CBLN2: variants seen among roughly 807,000 people sequenced by gnomAD.
CBLN2 encodes the protein cerebellin 2 precursor, also known as cerebellin-2.
A neutral mutation model predicts 15.0 loss-of-function variants in CBLN2; 7 were observed. The observed-to-expected ratio is 0.47, with a 90% CI of 0.27 to 0.88. CBLN2 has a LOEUF of 0.88. Ranked by LOEUF, CBLN2 falls within the 40% of genes least tolerant of loss-of-function variation. The pLI is 0.14. For synonymous variants in CBLN2, 149 were observed against 135.2 expected (o/e 1.10, Z -0.71); for missense variants, 242 against 304.5 (o/e 0.79, Z 1.53).
intron 1 of CBLN2, among the ~76,000 whole-genome samples, chr18:72,622,247 T>G: frequency 6.6e-6 from 1 of 152,154 alleles, no homozygotes; most frequent in East Asian, 1.9e-4. Flanking sequence ...ATAATATAGT[T>G]ATTTGCATGT....
At chr18:72,561,838 T>C (rs1159644306) in intron 1 of CBLN2, among the ~76,000 whole-genome samples, 1 of 152,208 alleles carries the variant, frequency 6.6e-6, no homozygotes, top group East Asian at 1.9e-4. Flanking sequence ...TACGTAAACA[T>C]TAATCTCAGA....
At chr18:72,555,245 G>A (rs145882376) in intron 1 of CBLN2, among the ~76,000 whole-genome samples, 2,203 of 152,280 alleles carry the variant, frequency 0.014, 34 homozygotes, top group Non-Finnish European at 0.02. Context: ...CTCTAAAGGT[G>A]CCCTCGGCTG....
Position 72,538,121 on chromosome 18 carries a change from G to C in CBLN2, c.*55C>G. On this transcript the variant is annotated 3_prime_UTR_variant, in exon 5 of 5. Transcript: ENST00000269503. ...TCCAGTAAGTTCAGGGTGTTTTAAA[G>C]GGCGGAGTCCTGGGTCCAGTTTGCC... The C allele has an allele frequency of 6.3e-7, 1 of 1,576,206 alleles. No homozygotes were observed. Among genetic ancestry groups the C allele is most frequent in the Non-Finnish European group, 8.7e-7 (1 of 1,146,276 alleles).
intron 1 of CBLN2, among the ~76,000 whole-genome samples, chr18:72,596,188 T>A (rs1253645405): frequency 6.6e-6 from 1 of 152,118 alleles, no homozygotes; most frequent in Non-Finnish European, 1.5e-5. Flanking sequence ...TGTTGTATAT[T>A]TTTTGATTTG....
chr18:72,566,981 G>T (rs1330854740), intron 1 of CBLN2, among the ~76,000 whole-genome samples: 2 of 151,946 alleles, frequency 1.3e-5, no homozygotes, highest in Non-Finnish European at 2.9e-5. Flanking sequence ...TTGCCACCCT[G>T]CCCCGCTAAT....
intron 1 of CBLN2, among the ~76,000 whole-genome samples, chr18:72,612,858 G>A (rs1405571617): frequency 6.6e-6 from 1 of 152,168 alleles, no homozygotes; most frequent in African/African-American, 2.4e-5. Context: ...GTAACAAAGT[G>A]TCATAAACTG....
At chr18:72,636,053 T>C (rs775634588) in intron 1 of CBLN2, among the ~76,000 whole-genome samples, 1 of 152,184 alleles carries the variant, frequency 6.6e-6, no homozygotes, top group Non-Finnish European at 1.5e-5. Context: ...ATCACCCTTT[T>C]CTTCATTTTA....
At chr18:72,538,491 G>C (rs2069084928) in intron 4 of CBLN2, 118 bp from the exon 5 acceptor site, 1 of 1,428,434 alleles carries the variant, frequency 7.0e-7, no homozygotes, top group South Asian at 1.2e-5. Context: ...TACACATCAG[G>C]GGAGCCTGAC....
chr18:72,606,327 A>G (rs2144948591), intron 1 of CBLN2, among the ~76,000 whole-genome samples: 1 of 152,328 alleles, frequency 6.6e-6, no homozygotes, highest in Admixed American at 6.5e-5. Context: ...AATGTAGAAC[A>G]GGTTAATGAC....
intron 1 of CBLN2, among the ~76,000 whole-genome samples, chr18:72,577,764 G>A (rs752617965): frequency 4.6e-5 from 7 of 152,180 alleles, no homozygotes; most frequent in South Asian, 2.1e-4. Context: ...TGTTCATCTC[G>A]TGAGTTGCAC....
intron 1 of CBLN2, among the ~76,000 whole-genome samples, chr18:72,564,945 T>G (rs2069284816): frequency 1.3e-5 from 2 of 152,130 alleles, no homozygotes; most frequent in Admixed American, 1.3e-4. Context: ...CAATAGACTA[T>G]CAGCAGATTT....
At chr18:72,566,892 A>G (rs1233769993) in intron 1 of CBLN2, among the ~76,000 whole-genome samples, 1 of 152,050 alleles carries the variant, frequency 6.6e-6, no homozygotes, top group Non-Finnish European at 1.5e-5. Flanking sequence ...GAGTGCAATC[A>G]CAGCACACTG....
At chr18:72,539,056 T>C (rs1029207191) in intron 3 of CBLN2, 3 of 349,824 alleles carry the variant, frequency 8.6e-6, no homozygotes, top group Middle Eastern at 8.9e-4. Context: ...TTTTGTAAGT[T>C]GAGGGGCAGG....
intron 1 of CBLN2, among the ~76,000 whole-genome samples, chr18:72,563,517 A>T (rs1372672494): frequency 1.3e-5 from 2 of 152,138 alleles, no homozygotes; most frequent in African/African-American, 4.8e-5. Flanking sequence ...TCTGTACGAG[A>T]GCACTGGCGT....
intron 1 of CBLN2, among the ~76,000 whole-genome samples, chr18:72,597,748 A>G (rs1023113016): frequency 6.6e-6 from 1 of 152,218 alleles, no homozygotes; most frequent in African/African-American, 2.4e-5. Flanking sequence ...GCTGGCACCC[A>G]AGTCACAAGA....
intron 1 of CBLN2, among the ~76,000 whole-genome samples, chr18:72,572,202 C>T (rs2069336863): frequency 1.3e-5 from 2 of 152,036 alleles, no homozygotes; most frequent in South Asian, 4.1e-4. Context: ...GCATGTGGCT[C>T]AACTGAGATT....
intron 1 of CBLN2, among the ~76,000 whole-genome samples, chr18:72,629,584 C>T (rs901491605): frequency 6.6e-6 from 1 of 152,042 alleles, no homozygotes; most frequent in Non-Finnish European, 1.5e-5. Context: ...AAGAATAAAT[C>T]TAACTTTAAT....
In CBLN2 at chr18:72,576,548, G is replaced by A. The variant is rs185487116; in HGVS notation, c.16-37776C>T. ...AAAACTTATAAATGTTTTATAATAC[G>A]TACTCTCAATGCTATTATAACATTG... On this transcript the variant is annotated intron_variant, in intron 1 of 2. Coordinates refer to the CBLN2 transcript ENST00000581073. 2.3e-3 allele frequency among the ~76,000 whole-genome samples: 346 copies of A among 152,212 alleles called. 1 individual carries two copies. The highest frequency in any genetic ancestry group is 4.8e-3 in the Admixed American group (73 of 15,288).
At chr18:72,638,033 G>A (rs140071155) in intron 1 of CBLN2, among the ~76,000 whole-genome samples, 1 of 152,132 alleles carries the variant, frequency 6.6e-6, no homozygotes, top group Non-Finnish European at 1.5e-5. Context: ...GAGGGGTTGT[G>A]GAAATCGCAG....
Sources: allele counts gnomAD v4.1 joint callset (sites outside exome capture counted in the v4.1 genomes callset), GRCh38; gene constraint gnomAD v4.1.1; transcripts MANE v1.5; gene names NCBI Gene and HGNC (gene_info 2026-07-23, HGNC 2026-07-21).